PPP1R36: variants seen among roughly 807,000 people sequenced by gnomAD.
PPP1R36 encodes the protein protein phosphatase 1 regulatory subunit 36.
Under a neutral mutation model 53.4 loss-of-function variants are expected in PPP1R36, and 47 were observed. The ratio of observed to expected loss-of-function variants is 0.88; its 90% CI spans 0.70 to 1.12. PPP1R36 has a LOEUF of 1.12. PPP1R36 is among the 50% of genes most tolerant of loss of function. PPP1R36 has a pLI of 0.00. For missense variants in PPP1R36, 456 were observed against 513.9 expected, an observed-to-expected ratio of 0.89 and a Z score of 1.09; for synonymous variants, 153 against 170.5, an observed-to-expected ratio of 0.90 and a Z score of 0.80.
intron 7 of PPP1R36, among the ~76,000 whole-genome samples, chr14:64,571,607 G>A (rs914137184): frequency 6.6e-5 from 10 of 152,108 alleles, no homozygotes; most frequent in East Asian, 5.8e-4. Context: ...GTTACATCTC[G>A]TGGAAGACTC....
At chr14:64,558,809 T>C (rs1263999749) in intron 3 of PPP1R36, among the ~76,000 whole-genome samples, 1 of 151,984 alleles carries the variant, frequency 6.6e-6, no homozygotes, top group Non-Finnish European at 1.5e-5. Flanking sequence ...CTAATTTTTG[T>C]ATTTTTAGTA....
At chr14:64,564,978 G>A (rs2080237945) in intron 4 of PPP1R36, 141 bp downstream of exon 4, 2 of 644,502 alleles carry the variant, frequency 3.1e-6, no homozygotes, top group African/African-American at 1.9e-5. Context: ...AACATGTGCT[G>A]TTTCAGCATT....
At chr14:64,551,019 T>G in intron 2 of PPP1R36, 34 bp downstream of exon 2, 4 of 1,430,458 alleles carry the variant, frequency 2.8e-6, no homozygotes, top group Non-Finnish European at 2.0e-6. Flanking sequence ...AGAGTTTTTA[T>G]AAAAATTACA....
intron 3 of PPP1R36, among the ~76,000 whole-genome samples, chr14:64,557,047 G>T (rs956228710): frequency 6.6e-6 from 1 of 151,808 alleles, no homozygotes. Flanking sequence ...GCCCAGGCTG[G>T]TCTGGAACTT....
At chr14:64,551,026 T>C (rs771491201) in intron 2 of PPP1R36, 41 bp downstream of exon 2, 1 of 1,348,860 alleles carries the variant, frequency 7.4e-7, no homozygotes. Context: ...TTATAAAAAT[T>C]ACATGTGCCT....
chr14:64,583,521 G>C (rs2080405890), intron 8 of PPP1R36, among the ~76,000 whole-genome samples: 1 of 152,132 alleles, frequency 6.6e-6, no homozygotes, highest in Non-Finnish European at 1.5e-5. Flanking sequence ...GGCATTAAGA[G>C]AGAAAGAGTT....
chr14:64,560,093 G>T (rs1482963418), intron 3 of PPP1R36, among the ~76,000 whole-genome samples: 1 of 40,866 alleles, frequency 2.4e-5, no homozygotes, highest in Non-Finnish European at 4.6e-5. Context: ...AACAAAACTA[G>T]AATCTGTCAC....
At chr14:64,553,908 G>T (rs1250170793) in intron 3 of PPP1R36, among the ~76,000 whole-genome samples, 3 of 151,640 alleles carry the variant, frequency 2.0e-5, no homozygotes, top group Non-Finnish European at 4.4e-5. Context: ...AGTTGGAAAA[G>T]GAATTATTAT....
chr14:64,560,494 G>A (rs552953311), intron 3 of PPP1R36, among the ~76,000 whole-genome samples: 3 of 152,008 alleles, frequency 2.0e-5, no homozygotes, highest in African/African-American at 7.2e-5. Flanking sequence ...AATTGTTTGC[G>A]GGGAGATAAG....
intron 8 of PPP1R36, among the ~76,000 whole-genome samples, chr14:64,582,019 G>T (rs1010904446): frequency 6.6e-6 from 1 of 152,162 alleles, no homozygotes; most frequent in African/African-American, 2.4e-5. Flanking sequence ...TTCTTCCACT[G>T]TTCTCAGTGC....
At chr14:64,567,861 C>T (rs1401624658) in intron 6 of PPP1R36, among the ~76,000 whole-genome samples, 3 of 152,006 alleles carry the variant, frequency 2.0e-5, no homozygotes, top group Admixed American at 2.0e-4. Flanking sequence ...TGGGGTTTCG[C>T]CAGGCTGGTC....
rs543401118 is a variant in PPP1R36 at position 64,557,554 on chromosome 14, G to C, written c.182+4693G>C. ...GGTATTCAAATGTCCCCTGTTGTCT[G>C]CTATTTTTTAAGTTTGTTTCAATCA... On this transcript the variant is annotated intron_variant, in intron 3 of 11. Coordinates refer to ENST00000298705, the MANE Select transcript of PPP1R36 (RefSeq NM_172365.3). Among the ~76,000 whole-genome samples, 3 of 152,210 alleles carry C rather than the reference G, an allele frequency of 2.0e-5. No individual in the cohort carries two copies. In the East Asian group the frequency reaches 5.8e-4, roughly 29 times the overall value.
At position 64,589,328 on chromosome 14, in the gene PPP1R36, G is replaced by T; in HGVS notation, c.1259G>T (p.Cys420Phe). 1 of 1,609,796 alleles carries T rather than the reference G, an allele frequency of 6.2e-7. No individual in the cohort carries two copies. The highest frequency in any genetic ancestry group is 8.5e-7 in the Non-Finnish European group (1 of 1,177,102). ...VMKTLSSHTS[C>F]PK ...AAAACACTGTCCTCTCATACATCAT[G>T]CCCTAAGTAACCTGGTACATTCCAT... The change falls in exon 12 of 12, where the codon TGC becomes TTC. Residue 420 changes from cysteine (C) to phenylalanine (F), a missense_variant. By Grantham distance (205) the Cys-to-Phe change is radical. Coordinates refer to ENST00000298705, the MANE Select transcript of PPP1R36 (RefSeq NM_172365.3).
chr14:64,586,335 T>G (rs905047394), intron 8 of PPP1R36: 7 of 152,618 alleles, frequency 4.6e-5, no homozygotes, highest in African/African-American at 1.7e-4. Flanking sequence ...AAGACTCAGG[T>G]TTGTCCATGC....
chr14:64,550,882 G>A (rs1303064586), intron 1 of PPP1R36, 39 bp from the exon 2 acceptor site: 3 of 1,475,204 alleles, frequency 2.0e-6, no homozygotes, highest in Non-Finnish European at 2.8e-6. Context: ...TGTAAATTGA[G>A]CTTTTAATTA....
chr14:64,586,436 C>A, intron 8 of PPP1R36: 1 of 156,664 alleles, frequency 6.4e-6, no homozygotes, highest in Admixed American at 6.5e-5. Context: ...CTTTTTGTAC[C>A]CAATAGCCAT....
intron 6 of PPP1R36, among the ~76,000 whole-genome samples, chr14:64,567,123 A>G (rs977877285): frequency 6.6e-6 from 1 of 152,254 alleles, no homozygotes; most frequent in Non-Finnish European, 1.5e-5. Flanking sequence ...TCTTGAAAAG[A>G]AAATCTGTAA....
chr14:64,568,340 T>TC lies in PPP1R36; in HGVS notation c.435-5dup, dbSNP rs775173373. 7.9e-7 allele frequency: 1 copy of TC among 1,267,208 alleles called. No individual in the cohort carries two copies. Among genetic ancestry groups the TC allele is most frequent in the East Asian group, 2.4e-5 (1 of 41,500 alleles). The allele number at this position is 1,267,208 out of a possible 1,614,324, so 78.5% of individuals were successfully genotyped here. ...GACTCTTTTTTTGTTGTTTCAAATC[T>TC]CCCCATAGGAATAAGAATCTTGATA... is the stretch of plus-strand genomic sequence containing the variant. On this transcript the variant is annotated splice_polypyrimidine_tract_variant and intron_variant, in intron 6 of 11. Transcript: ENST00000298705.
intron 2 of PPP1R36, 96 bp from the exon 3 acceptor site, chr14:64,552,718 A>G (rs906346127): frequency 2.3e-6 from 2 of 867,810 alleles, no homozygotes; most frequent in African/African-American, 3.4e-5. Flanking sequence ...ATTTTATTAG[A>G]GTCAAAATCA....
Sources: gnomAD v4.1 joint callset for allele counts (sites outside exome capture counted in the v4.1 genomes callset) on GRCh38, gnomAD v4.1.1 for gene constraint, MANE v1.5 for transcripts, NCBI Gene and HGNC (gene_info 2026-07-23, HGNC 2026-07-21) for gene names.